Variants in STMN1 observed in about 807,000 individuals in gnomAD.
STMN1 encodes the protein stathmin 1, also known as stathmin.
STMN1 carries 3 observed loss-of-function variants against 19.7 expected under a neutral mutation model. That is an observed-to-expected ratio of 0.15 (90% CI 0.07 to 0.39). The LOEUF (loss-of-function observed/expected upper bound fraction) is 0.39. STMN1 is among the 10% of genes least tolerant of loss of function. STMN1 has a pLI of 1.00. For missense variants in STMN1, 99 were observed against 176.0 expected (o/e 0.56, Z 2.48); for synonymous variants, 59 against 58.9 (o/e 1.00, Z -0.01).
chr1:25,895,897 G>A (rs1012709418), downstream of STMN1, among the ~76,000 whole-genome samples: 1 of 152,166 alleles, frequency 6.6e-6, no homozygotes, highest in Non-Finnish European at 1.5e-5. Context: ...TCCACATGGG[G>A]TCCGCAAAGG....
At position 25,903,832 on chromosome 1, in the gene STMN1, A is replaced by T; in HGVS notation, c.14-19T>A. ...TGGATATCTAGAATTGATTATATTT[A>T]TAATTCAGAAAACCAGGATTCTCCT... On this transcript the variant is annotated intron_variant, in intron 2 of 4. Coordinates refer to ENST00000455785, the MANE Select transcript of STMN1 (RefSeq NM_005563.4). The T allele has an allele frequency of 6.3e-7, 1 of 1,576,852 alleles. No individual in the cohort carries two copies. The highest frequency in any genetic ancestry group is 8.6e-7 in the Non-Finnish European group (1 of 1,167,042).
chr1:25,898,437 T>C (rs1301447229), downstream of STMN1, among the ~76,000 whole-genome samples: 1 of 152,086 alleles, frequency 6.6e-6, no homozygotes, highest in Non-Finnish European at 1.5e-5. Context: ...CACCCTCAGG[T>C]AAGTAAGCAT....
intron 4 of STMN1, among the ~76,000 whole-genome samples, chr1:25,891,804 C>G (rs896026410): frequency 6.6e-6 from 1 of 152,118 alleles, no homozygotes; most frequent in Non-Finnish European, 1.5e-5. Context: ...CGCCACCCCC[C>G]ACCACCAACA....
chr1:25,887,796 C>T (rs181680018), intron 4 of STMN1, among the ~76,000 whole-genome samples: 1 of 152,282 alleles, frequency 6.6e-6, no homozygotes, highest in Non-Finnish European at 1.5e-5. Context: ...AAGTGGTTCT[C>T]CTGCGTCAGC....
chr1:25,885,503 C>T (rs1398282867), exon 5 of STMN1: 7 of 524,726 alleles, frequency 1.3e-5, no homozygotes, highest in Non-Finnish European at 1.3e-5. Flanking sequence ...TCTGTCCTTA[C>T]AACAAACCAC....
intron 4 of STMN1, chr1:25,892,734 G>A: frequency 3.3e-6 from 1 of 306,240 alleles, no homozygotes. Context: ...ACTACCCCAG[G>A]CTTTGCAGTG....
intron 4 of STMN1, among the ~76,000 whole-genome samples, chr1:25,890,962 C>A (rs867514648): frequency 1.3e-5 from 2 of 152,268 alleles, no homozygotes; most frequent in Middle Eastern, 3.4e-3. Context: ...AGTGACCTGA[C>A]CCTCTCTGAA....
Position 25,901,599 on chromosome 1 carries a change from G to A in STMN1, c.270C>T (p.Asn90=). 6.2e-7 allele frequency: 1 copy of A among 1,613,914 alleles called. No homozygotes were observed. The highest frequency in any genetic ancestry group is 8.5e-7 in the Non-Finnish European group (1 of 1,179,934). The change falls in exon 4 of 5, where the codon AAC becomes AAT. Residue 90 remains asparagine (N), a synonymous_variant. Transcript: ENST00000455785. ...CTTCTGCCATTTTACTGAAGTTGTTGTTCTCTTCTATTGCCTTCTGAAGCA... is the reference window on the plus strand; with the variant it reads ...CTTCTGCCATTTTACTGAAGTTGTTATTCTCTTCTATTGCCTTCTGAAGCA... The part of the protein sequence containing the change: ...KEVLQKAIEE[N]NNFSKMAEEK...
chr1:25,906,476 G>C (rs865997266), upstream of STMN1: 40 of 153,884 alleles, frequency 2.6e-4, no homozygotes, highest in Middle Eastern at 0.015. This position sits in a 1 kb window ranked among gnomAD's most constrained non-coding sequence, Gnocchi z 4.5. Context: ...CGTGACCTCC[G>C]CGCGGGGCTC....
intron 4 of STMN1, 64 bp downstream of exon 4, chr1:25,901,427 T>C: frequency 6.5e-7 from 1 of 1,530,586 alleles, no homozygotes; most frequent in South Asian, 1.3e-5. Flanking sequence ...AAGCACTTAG[T>C]TCAAGCCAAC....
chr1:25,884,857 CT>C (rs2048709035), downstream of STMN1: 1 of 153,686 alleles, frequency 6.5e-6, no homozygotes, highest in Non-Finnish European at 1.5e-5. Context: ...AACACAGCCC[CT>C]TGATTTTTCT....
At chr1:25,896,315 C>A (rs2048817921), downstream of STMN1, among the ~76,000 whole-genome samples, 1 of 152,094 alleles carries the variant, frequency 6.6e-6, no homozygotes. Context: ...AAATAGAGAG[C>A]TGTGAGAGCA....
At position 25,904,591 on chromosome 1, in the gene STMN1, C is replaced by T. The variant is rs77318619; in HGVS notation, c.13+73G>A. The T allele has an allele frequency of 3.4e-3, 4,738 of 1,406,908 alleles. 137 individuals carry two copies. The African/African-American group carries it at 0.058, about 17-fold the overall frequency. The allele number at this position is 1,406,908 out of a possible 1,614,324, so 87.2% of individuals were successfully genotyped here. ...CAAAACATAAGTGCCAAATCAAAGG[C>T]GAAGACCTGAGCCATCTCAATCTAA... On this transcript the variant is annotated intron_variant, in intron 2 of 4. Coordinates refer to ENST00000455785, the MANE Select transcript of STMN1 (RefSeq NM_005563.4).
intron 2 of STMN1, 148 bp downstream of exon 2, chr1:25,904,516 T>G (rs2048914992): frequency 1.5e-6 from 1 of 689,640 alleles, no homozygotes; most frequent in Non-Finnish European, 2.5e-6. Flanking sequence ...ATTCAAGTGA[T>G]AATCATTTTT....
chr1:25,898,805 G>A (rs552646888), downstream of STMN1, among the ~76,000 whole-genome samples: 61 of 152,300 alleles, frequency 4.0e-4, no homozygotes, highest in South Asian at 8.1e-3. Context: ...GCAGACTCCC[G>A]TGATGGCAGA....
chr1:25,904,319 CCT>C (rs2048912270), intron 2 of STMN1, among the ~76,000 whole-genome samples: 1 of 151,942 alleles, frequency 6.6e-6, no homozygotes, highest in Admixed American at 6.6e-5. Flanking sequence ...AAGGTGAGAC[CCT>C]GTCTCAAAAA....
At chr1:25,901,117 CAAAAAAAAAAAAAA>C in intron 4 of STMN1, 30 bp from the exon 5 acceptor site, 1 of 1,201,880 alleles carries the variant, frequency 8.3e-7, no homozygotes, top group South Asian at 2.0e-5. Flanking sequence ...TGTCATCAGT[CAAAAAAAAAAAAAA>C]AAAAAAAAGC....
intron 4 of STMN1, among the ~76,000 whole-genome samples, chr1:25,888,429 A>C (rs1259263068): frequency 6.6e-6 from 1 of 152,148 alleles, no homozygotes; most frequent in Non-Finnish European, 1.5e-5. Flanking sequence ...TTTGCTGCTA[A>C]ATTCTCGGCA....
At chr1:25,904,192 C>T (rs998199965) in intron 2 of STMN1, among the ~76,000 whole-genome samples, 1 of 151,934 alleles carries the variant, frequency 6.6e-6, no homozygotes, top group African/African-American at 2.4e-5. Flanking sequence ...TGGCCCATGT[C>T]GATAGTCCCA....
Sources: allele counts gnomAD v4.1 joint callset (sites outside exome capture counted in the v4.1 genomes callset), GRCh38; gene constraint gnomAD v4.1.1; non-coding constraint Gnocchi (gnomAD v3.1); transcripts MANE v1.5; gene names NCBI Gene and HGNC (gene_info 2026-07-23, HGNC 2026-07-21).